The following LPAR1 variants were observed in gnomAD, a reference collection of about 807,000 sequenced individuals.
LPAR1 encodes LPA receptor 1.
A neutral mutation model predicts 23.8 loss-of-function variants in LPAR1; 5 were observed. That is an observed-to-expected ratio of 0.21 (90% CI 0.11 to 0.44). LPAR1 has a LOEUF of 0.44. Among genes scored for constraint, LPAR1 ranks in the 20% least tolerant of loss-of-function variants. The pLI, the probability that LPAR1 is intolerant of heterozygous loss-of-function variation, is 0.99. For synonymous variants in LPAR1, 160 were observed against 164.7 expected (o/e 0.97, Z 0.22); for missense variants, 311 against 482.8 (o/e 0.64, Z 3.33).
At chr9:110,965,389 C>G (rs895724394) in intron 4 of LPAR1, among the ~76,000 whole-genome samples, 5 of 152,074 alleles carry the variant, frequency 3.3e-5, no homozygotes, top group Admixed American at 3.3e-4. Context: ...TGACAAAGGT[C>G]TAATATCCAG....
chr9:110,878,210 G>A (rs1038600210), intron 5 of LPAR1, among the ~76,000 whole-genome samples: 4 of 152,112 alleles, frequency 2.6e-5, no homozygotes, highest in African/African-American at 9.7e-5. Flanking sequence ...AATAATTTCA[G>A]TGACTCACAG....
At position 110,975,284 on chromosome 9, in the gene LPAR1, C is replaced by T. The variant is rs780165539; in HGVS notation, c.-181-1726G>A. ...CGAAATAGAAATGGATGAGATCCACCAAACAAATATGTCATATGACGTTAT... is the reference window on the plus strand; with the variant it reads ...CGAAATAGAAATGGATGAGATCCACTAAACAAATATGTCATATGACGTTAT... On this transcript the variant is annotated intron_variant, in intron 2 of 5. Coordinates refer to ENST00000683809, the MANE Select transcript of LPAR1 (RefSeq NM_001351411.2). Among the ~76,000 whole-genome samples the T allele has an allele frequency of 2.4e-4, 36 of 152,202 alleles. 1 individual carries two copies. Among genetic ancestry groups the T allele is most frequent in the Admixed American group, 1.1e-3 (17 of 15,270 alleles).
intron 5 of LPAR1, among the ~76,000 whole-genome samples, chr9:110,913,670 T>C (rs10980631): frequency 0.29 from 43,494 of 151,984 alleles, 6,768 homozygotes; most frequent in South Asian, 0.36. Flanking sequence ...ACATTCTGAA[T>C]GGAACAAACC....
At chr9:111,012,244 C>G (rs1471546455) in intron 2 of LPAR1, among the ~76,000 whole-genome samples, 4 of 152,052 alleles carry the variant, frequency 2.6e-5, no homozygotes, top group African/African-American at 9.7e-5. Flanking sequence ...GAGCAAAACC[C>G]TGTCTCAAAC....
At chr9:110,992,237 A>C (rs951992955) in intron 2 of LPAR1, among the ~76,000 whole-genome samples, 1 of 152,192 alleles carries the variant, frequency 6.6e-6, no homozygotes, top group Non-Finnish European at 1.5e-5. Flanking sequence ...CAAAGATAAT[A>C]TACGGATGGC....
intron 2 of LPAR1, among the ~76,000 whole-genome samples, chr9:111,022,645 AC>A (rs1322193679): frequency 1.3e-5 from 2 of 152,238 alleles, no homozygotes; most frequent in African/African-American, 4.8e-5. Flanking sequence ...ATGCATAGTT[AC>A]TAAATTGGTA....
intron 5 of LPAR1, among the ~76,000 whole-genome samples, chr9:110,899,539 C>A (rs1211374494): frequency 6.6e-6 from 1 of 151,954 alleles, no homozygotes; most frequent in African/African-American, 2.4e-5. Flanking sequence ...CAGGGAGTAG[C>A]AAGGGAGGAG....
intron 2 of LPAR1, among the ~76,000 whole-genome samples, chr9:111,004,888 C>T (rs1588807256): frequency 6.6e-6 from 1 of 152,218 alleles, no homozygotes; most frequent in Admixed American, 6.5e-5. Context: ...TGGTTGAGCA[C>T]GGTGGCTCAT....
intron 5 of LPAR1, among the ~76,000 whole-genome samples, chr9:110,899,435 T>C (rs937813174): frequency 6.6e-6 from 1 of 152,136 alleles, no homozygotes; most frequent in East Asian, 1.9e-4. Flanking sequence ...TGGGAGAATA[T>C]AGAGATGAAA....
chr9:111,006,496 T>C (rs909115105), intron 2 of LPAR1, among the ~76,000 whole-genome samples: 1 of 152,188 alleles, frequency 6.6e-6, no homozygotes, highest in Non-Finnish European at 1.5e-5. Flanking sequence ...GAGTTCACCA[T>C]TGCCTGTGCA....
At chr9:110,979,457 G>GT (rs1194978881) in intron 2 of LPAR1, among the ~76,000 whole-genome samples, 2 of 152,064 alleles carry the variant, frequency 1.3e-5, no homozygotes, top group Non-Finnish European at 2.9e-5. Context: ...TTCCTAAAAC[G>GT]TAAGGTCATA....
At chr9:110,922,725 C>T (rs1289567008) in intron 5 of LPAR1, among the ~76,000 whole-genome samples, 1 of 151,582 alleles carries the variant, frequency 6.6e-6, no homozygotes, top group East Asian at 1.9e-4. Flanking sequence ...ACTGAGACGT[C>T]ATGGGAATAT....
chr9:110,976,379 G>A (rs558436915), intron 2 of LPAR1, among the ~76,000 whole-genome samples: 102 of 151,468 alleles, frequency 6.7e-4, no homozygotes, highest in Middle Eastern at 3.5e-3. Context: ...GGCGGCAGGC[G>A]CCTGTAATCC....
At chr9:111,015,289 G>A (rs10125850) in intron 2 of LPAR1, among the ~76,000 whole-genome samples, 2,995 of 152,034 alleles carry the variant, frequency 0.02, 90 homozygotes, top group African/African-American at 0.068. Context: ...CTCATTCAAC[G>A]GTATTGTCAT....
At position 110,942,180 on chromosome 9, in the gene LPAR1, A is replaced by T; in HGVS notation, c.46-12T>A. The T allele has an allele frequency of 6.3e-7, 1 of 1,583,270 alleles. No individual in the cohort carries two copies. The highest frequency in any genetic ancestry group is 8.6e-7 in the Non-Finnish European group (1 of 1,168,284). On this transcript the variant is annotated splice_polypyrimidine_tract_variant and intron_variant, in intron 4 of 5. Coordinates refer to ENST00000683809, the MANE Select transcript of LPAR1 (RefSeq NM_001351411.2). Reference sequence around the variant, plus strand: ...TTCATGGCTGTGAACTAAAAGAAAAAGGAGAAAAGATGATGAAAAAGAAGG... The same window carrying T: ...TTCATGGCTGTGAACTAAAAGAAAATGGAGAAAAGATGATGAAAAAGAAGG...
At position 110,972,180 on chromosome 9, in the gene LPAR1, T is replaced by C. The variant is rs2096445738; in HGVS notation, c.-63A>G. ...AACTACGGGAGACAAATTTTCTTGT[T>C]TGCTGATCAGATCGAAGTCATGCTA... On this transcript the variant is annotated 5_prime_UTR_variant, in exon 4 of 6. Transcript: ENST00000683809. 6.8e-7 allele frequency: 1 copy of C among 1,469,496 alleles called. No individual in the cohort carries two copies. The highest frequency in any genetic ancestry group is 1.4e-5 in the African/African-American group (1 of 72,110). 91.0% of individuals were successfully genotyped at this position (1,469,496 alleles called of 1,614,324 possible).
chr9:110,985,819 A>C (rs930768168), intron 2 of LPAR1, among the ~76,000 whole-genome samples: 1 of 152,106 alleles, frequency 6.6e-6, no homozygotes, highest in Non-Finnish European at 1.5e-5. Flanking sequence ...CCTCAAGGTC[A>C]AGCTAGTTTG....
intron 4 of LPAR1, among the ~76,000 whole-genome samples, chr9:110,946,240 C>T (rs1588472172): frequency 6.6e-6 from 1 of 151,878 alleles, no homozygotes. Flanking sequence ...CAAGATGCAC[C>T]AGGGGTCCAA....
chr9:110,925,669 C>T (rs1159750339), intron 5 of LPAR1, among the ~76,000 whole-genome samples: 2 of 152,224 alleles, frequency 1.3e-5, no homozygotes. Flanking sequence ...AAGGCAGCTC[C>T]AACCACTAAT....
Sources: allele counts gnomAD v4.1 joint callset (sites outside exome capture counted in the v4.1 genomes callset), GRCh38; gene constraint gnomAD v4.1.1; transcripts MANE v1.5; gene names NCBI Gene and HGNC (gene_info 2026-07-23, HGNC 2026-07-21).